Variants in ZYG11A observed in about 807,000 individuals in gnomAD.
ZYG11A encodes protein zyg-11 homolog A.
A neutral mutation model predicts 77.2 loss-of-function variants in ZYG11A; 62 were observed. The observed-to-expected ratio is 0.80, with a 90% CI of 0.65 to 0.99. The LOEUF (loss-of-function observed/expected upper bound fraction) is 0.99. Ranked by LOEUF, ZYG11A falls within the 50% of genes least tolerant of loss-of-function variation. ZYG11A has a pLI of 0.00. For missense variants in ZYG11A, 828 were observed against 896.8 expected (o/e 0.92, Z 0.98); for synonymous variants, 315 against 324.6 (o/e 0.97, Z 0.32).
chr1:52,872,547 A>G (rs1646185776), intron 8 of ZYG11A, among the ~76,000 whole-genome samples: 1 of 151,332 alleles, frequency 6.6e-6, no homozygotes, highest in Non-Finnish European at 1.5e-5. Flanking sequence ...GGAGTAATTT[A>G]TTAATTTATT....
At chr1:52,884,908 T>C (rs553331245) in intron 11 of ZYG11A, among the ~76,000 whole-genome samples, 22 of 152,116 alleles carry the variant, frequency 1.4e-4, no homozygotes, top group Middle Eastern at 3.4e-3. Context: ...TTCTTTCTTT[T>C]TTTTTTTTCT....
At position 52,874,239 on chromosome 1, in the gene ZYG11A, C is replaced by CTA. The variant is rs71044434; in HGVS notation, c.1543-3432_1543-3431dup. Reference sequence around the variant, plus strand: ...TTTAGCGTTTTTTAGCTCTCTCTCTCTATATATATATACATATTTTTTAAG... The same window carrying CTA: ...TTTAGCGTTTTTTAGCTCTCTCTCTCTATATATATATATACATATTTTTTAAG... On this transcript the variant is annotated intron_variant, in intron 8 of 13. Coordinates refer to ENST00000371528, the MANE Select transcript of ZYG11A (RefSeq NM_001004339.3). 2.4e-4 allele frequency among the ~76,000 whole-genome samples: 36 copies of CTA among 148,816 alleles called. No homozygotes were observed. The South Asian group carries it at 4.0e-3, about 17-fold the overall frequency.
At chr1:52,878,909 A>T (rs974039454) in intron 10 of ZYG11A, among the ~76,000 whole-genome samples, 5 of 142,566 alleles carry the variant, frequency 3.5e-5, no homozygotes, top group African/African-American at 1.3e-4. Flanking sequence ...ACTGCACTCC[A>T]ATTGCACTCC....
chr1:52,884,995 G>T (rs554978868), intron 11 of ZYG11A, among the ~76,000 whole-genome samples: 327 of 151,570 alleles, frequency 2.2e-3, no homozygotes, highest in Non-Finnish European at 3.9e-3. Context: ...TGCAACCTCT[G>T]CCTCCTGGCT....
chr1:52,886,122 C>T (rs991553729), intron 12 of ZYG11A, among the ~76,000 whole-genome samples: 12 of 151,848 alleles, frequency 7.9e-5, no homozygotes, highest in African/African-American at 1.9e-4. Flanking sequence ...TTAGTGGAGA[C>T]GGGGTTTCAC....
intron 1 of ZYG11A, among the ~76,000 whole-genome samples, chr1:52,847,835 A>T (rs1362382104): frequency 1.7e-5 from 2 of 119,364 alleles, no homozygotes; most frequent in East Asian, 2.4e-4. Flanking sequence ...ACGCCTTGCT[A>T]ATTTATTTAT....
intron 11 of ZYG11A, among the ~76,000 whole-genome samples, chr1:52,884,857 G>A (rs902123043): frequency 1.3e-5 from 2 of 152,070 alleles, no homozygotes; most frequent in Non-Finnish European, 2.9e-5. Flanking sequence ...AGAAGAAATC[G>A]GGGAGTCCGA....
intron 4 of ZYG11A, among the ~76,000 whole-genome samples, chr1:52,861,944 C>G (rs114808073): frequency 0.024 from 3,588 of 152,124 alleles, 51 homozygotes; most frequent in Middle Eastern, 0.038. Flanking sequence ...CACCATGGCT[C>G]ACGCCTGTAA....
rs952241062 is a variant in ZYG11A at position 52,847,738 on chromosome 1, C to T, written c.90+4765C>T. 2.7e-5 allele frequency among the ~76,000 whole-genome samples: 4 copies of T among 149,860 alleles called. 1 individual carries two copies. The South Asian group carries it at 8.5e-4, about 32-fold the overall frequency. ...AGGCTGGAGTGCAGTGGCGCGATCT[C>T]GGTTCGCTGCAACCTCTGCCTCCTG... On this transcript the variant is annotated intron_variant, in intron 1 of 13. Coordinates refer to ENST00000371528, the MANE Select transcript of ZYG11A (RefSeq NM_001004339.3).
At chr1:52,890,138 C>G (rs1646518475) in intron 13 of ZYG11A, among the ~76,000 whole-genome samples, 1 of 145,734 alleles carries the variant, frequency 6.9e-6, no homozygotes, top group African/African-American at 2.6e-5. Context: ...GACAAAATCT[C>G]TTTGTCACCC....
intron 10 of ZYG11A, 81 bp downstream of exon 10, chr1:52,878,050 C>A: frequency 8.3e-7 from 1 of 1,201,002 alleles, no homozygotes; most frequent in Non-Finnish European, 1.2e-6. Context: ...ATATGCTAGG[C>A]AGTATTGTAA....
At chr1:52,879,390 T>C (rs1254413078) in intron 10 of ZYG11A, among the ~76,000 whole-genome samples, 2 of 152,112 alleles carry the variant, frequency 1.3e-5, no homozygotes, top group Admixed American at 6.5e-5. Context: ...CCTGAACTCG[T>C]TGAAAACATG....
intron 8 of ZYG11A, among the ~76,000 whole-genome samples, chr1:52,869,528 A>C (rs535439280): frequency 6.6e-6 from 1 of 151,904 alleles, no homozygotes; most frequent in African/African-American, 2.4e-5. Context: ...CTGAGTGGAC[A>C]CAGCACATGT....
chr1:52,890,053 G>GTTTTTTTTTTTT (rs67041059), intron 13 of ZYG11A, among the ~76,000 whole-genome samples: 2 of 118,530 alleles, frequency 1.7e-5, no homozygotes, highest in Non-Finnish European at 3.3e-5. Context: ...ATCACTGCTT[G>GTTTTTTTTTTTT]TTTTTTTTTT....
intron 1 of ZYG11A, among the ~76,000 whole-genome samples, chr1:52,851,447 G>T (rs991404233): frequency 6.6e-6 from 1 of 152,014 alleles, no homozygotes; most frequent in African/African-American, 2.4e-5. Context: ...ACCCAGGCTG[G>T]AATGTAGTGG....
At chr1:52,855,264 T>A (rs973854535) in intron 2 of ZYG11A, among the ~76,000 whole-genome samples, 2 of 151,940 alleles carry the variant, frequency 1.3e-5, no homozygotes, top group African/African-American at 4.8e-5. Flanking sequence ...CTTAAAGAAC[T>A]CCACTAAAAA....
Position 52,857,262 on chromosome 1 carries a change from T to G in ZYG11A, c.521T>G (p.Leu174Ter). Reference sequence around the variant, plus strand: ...ACAAGCATCCCTCAAAATTCAAGATTACTGTTCTTTAGTCAGCTCACTGGT... The same window carrying G: ...ACAAGCATCCCTCAAAATTCAAGATGACTGTTCTTTAGTCAGCTCACTGGT... The part of the protein sequence containing the change: ...DSTSIPQNSR[L>*]LFFSQLTGLR... Residue 174 changes from leucine (L) to a stop codon, truncating the protein, a stop_gained, in exon 3 of 14, where the codon TTA becomes TGA. Coordinates refer to ENST00000371528, the MANE Select transcript of ZYG11A (RefSeq NM_001004339.3). LOFTEE classifies it high-confidence loss of function. 6.4e-7 allele frequency: 1 copy of G among 1,552,202 alleles called. No homozygotes were observed.
At chr1:52,884,467 G>T (rs1646413196) in intron 11 of ZYG11A, among the ~76,000 whole-genome samples, 1 of 146,732 alleles carries the variant, frequency 6.8e-6, no homozygotes, top group South Asian at 2.2e-4. Context: ...CTGCACTCCA[G>T]CCTGGGCAAC....
intron 12 of ZYG11A, among the ~76,000 whole-genome samples, 197 bp downstream of exon 12, chr1:52,886,091 C>T (rs1646445306): frequency 6.6e-6 from 1 of 152,084 alleles, no homozygotes; most frequent in Non-Finnish European, 1.5e-5. Flanking sequence ...CGCCACCATG[C>T]CCGGCTAATT....
Sources: gnomAD v4.1 joint callset for allele counts (sites outside exome capture counted in the v4.1 genomes callset) on GRCh38, gnomAD v4.1.1 for gene constraint, MANE v1.5 for transcripts, NCBI Gene and HGNC (gene_info 2026-07-23, HGNC 2026-07-21) for gene names.